UNC13C: variants seen among roughly 807,000 people sequenced by gnomAD.
UNC13C encodes the protein protein unc-13 homolog C.
UNC13C carries 174 observed loss-of-function variants against 245.4 expected under a neutral mutation model. That is an observed-to-expected ratio of 0.71 (90% CI 0.63 to 0.80). The LOEUF is 0.80. Among genes scored for constraint, UNC13C ranks in the 30% least tolerant of loss-of-function variants. UNC13C has a pLI of 0.00. For missense variants in UNC13C, 2,829 were observed against 2,602.9 expected, an observed-to-expected ratio of 1.09 and a Z score of -1.89; for synonymous variants, 992 against 895.1, an observed-to-expected ratio of 1.11 and a Z score of -1.93.
chr15:54,455,385 A>G lies in UNC13C; in HGVS notation c.4934-39223A>G, dbSNP rs369230595. Among the ~76,000 whole-genome samples the G allele has an allele frequency of 8.5e-4, 128 of 150,918 alleles. 1 individual carries two copies. The highest frequency in any genetic ancestry group is 3.0e-3 in the African/African-American group (123 of 41,194). ...CTCTGGGTAGATACCCAGTAGACGGATTGCTGGATCAAATGGTAGTTCTAC... is the reference window on the plus strand; with the variant it reads ...CTCTGGGTAGATACCCAGTAGACGGGTTGCTGGATCAAATGGTAGTTCTAC... On this transcript the variant is annotated intron_variant, in intron 19 of 32. Coordinates refer to ENST00000260323, the MANE Select transcript of UNC13C (RefSeq NM_001080534.3).
chr15:54,375,891 T>A (rs533213739), intron 17 of UNC13C, among the ~76,000 whole-genome samples: 1 of 152,308 alleles, frequency 6.6e-6, no homozygotes, highest in South Asian at 2.1e-4. Context: ...AAATGTATAT[T>A]TTTTTAAAGC....
downstream of UNC13C, chr15:54,630,687 T>C (rs1901440352): frequency 6.6e-6 from 1 of 152,148 alleles, no homozygotes; most frequent in African/African-American, 2.4e-5. Context: ...TTGAAATAGT[T>C]GCCCCTTTGC....
intron 2 of UNC13C, among the ~76,000 whole-genome samples, chr15:54,118,070 T>C (rs1464391652): frequency 6.6e-6 from 1 of 152,098 alleles, no homozygotes; most frequent in Non-Finnish European, 1.5e-5. Flanking sequence ...TATTTTGAAG[T>C]TCAGATAATG....
intron 19 of UNC13C, among the ~76,000 whole-genome samples, chr15:54,422,347 A>G (rs2040663602): frequency 6.6e-6 from 1 of 151,924 alleles, no homozygotes; most frequent in Non-Finnish European, 1.5e-5. Context: ...TAGTTTGCAC[A>G]TTTCCACTCT....
intron 30 of UNC13C, among the ~76,000 whole-genome samples, chr15:54,616,751 A>ATAATG (rs1407565592): frequency 1.3e-5 from 2 of 152,074 alleles, no homozygotes; most frequent in African/African-American, 4.8e-5. Flanking sequence ...AAAATCTTTT[A>ATAATG]TAATGTAGCC....
chr15:54,075,133 A>C (rs1898527697), intron 2 of UNC13C, among the ~76,000 whole-genome samples: 2 of 152,104 alleles, frequency 1.3e-5, no homozygotes, highest in South Asian at 4.1e-4. Flanking sequence ...CAGTCAAAGG[A>C]AAGGGTGTAT....
At chr15:54,107,186 T>C (rs1365146139) in intron 2 of UNC13C, among the ~76,000 whole-genome samples, 1 of 152,170 alleles carries the variant, frequency 6.6e-6, no homozygotes, top group Non-Finnish European at 1.5e-5. Flanking sequence ...CTTAATTCCA[T>C]ATTGCAATTA....
chr15:54,153,842 T>A (rs1052028460), intron 4 of UNC13C, among the ~76,000 whole-genome samples: 1 of 151,988 alleles, frequency 6.6e-6, no homozygotes, highest in African/African-American at 2.4e-5. Context: ...TGATAATTCA[T>A]GATTGATATT....
chr15:54,161,569 T>C (rs2032976044), intron 4 of UNC13C, among the ~76,000 whole-genome samples: 1 of 152,216 alleles, frequency 6.6e-6, no homozygotes, highest in African/African-American at 2.4e-5. Context: ...TATTTATTTC[T>C]ATAAGTTCAG....
At chr15:53,857,729 G>A in the UNC13C span, among the ~76,000 whole-genome samples, 3 of 152,156 alleles carry the variant, frequency 2.0e-5, no homozygotes, top group Non-Finnish European at 4.4e-5. Context: ...ATTATGCAGA[G>A]AAAAGATTCC....
At chr15:54,064,412 A>T (rs956322953) in intron 2 of UNC13C, among the ~76,000 whole-genome samples, 5 of 152,166 alleles carry the variant, frequency 3.3e-5, no homozygotes, top group Admixed American at 1.3e-4. Flanking sequence ...TCACACAGTG[A>T]GGGCTGGCAA....
At position 54,618,910 on chromosome 15, in the gene UNC13C, C is replaced by CA. The variant is rs550608967; in HGVS notation, c.6107-3411dup. Among the ~76,000 whole-genome samples the CA allele has an allele frequency of 2.6e-4, 39 of 151,816 alleles. No homozygotes were observed. The East Asian group carries it at 6.8e-3, about 26-fold the overall frequency. On this transcript the variant is annotated intron_variant, in intron 30 of 32. Coordinates refer to ENST00000260323, the MANE Select transcript of UNC13C (RefSeq NM_001080534.3). ...ACTGTGACTTTTAAAGACATTTTGTCAAAAAACAAAACAAAAAACCTCTTA... is the reference window on the plus strand; with the variant it reads ...ACTGTGACTTTTAAAGACATTTTGTCAAAAAAACAAAACAAAAAACCTCTTA...
chr15:53,867,529 T>A, the UNC13C span, among the ~76,000 whole-genome samples: 61 of 152,314 alleles, frequency 4.0e-4, no homozygotes, highest in Middle Eastern at 3.4e-3. Flanking sequence ...GCTCGAGGTA[T>A]CCACTGAAAA....
At chr15:54,063,239 C>G (rs1329348296) in intron 2 of UNC13C, among the ~76,000 whole-genome samples, 2 of 152,124 alleles carry the variant, frequency 1.3e-5, no homozygotes, top group African/African-American at 4.8e-5. Flanking sequence ...TTCATTCTAA[C>G]CTGGCTGATA....
Position 54,015,895 on chromosome 15 carries a change from G to A in UNC13C, c.2983+9G>A, listed in dbSNP as rs1364124371. ...GAAGATCTTGGCTGGAGGTATTCAT[G>A]TTTAAATGCTACATTGTGAGCTAAT... On this transcript the variant is annotated intron_variant, in intron 2 of 32. Coordinates refer to ENST00000260323, the MANE Select transcript of UNC13C (RefSeq NM_001080534.3). 1 of 1,553,480 alleles carries A rather than the reference G, an allele frequency of 6.4e-7. No individual in the cohort carries two copies. Among genetic ancestry groups the A allele is most frequent in the South Asian group, 1.2e-5 (1 of 81,192 alleles).
chr15:53,959,758 T>C, the UNC13C span, among the ~76,000 whole-genome samples: 5 of 152,324 alleles, frequency 3.3e-5, no homozygotes, highest in East Asian at 9.6e-4. Context: ...AAACTCAATA[T>C]AATATAGATG....
chr15:54,275,567 A>G (rs1172325088), intron 10 of UNC13C, among the ~76,000 whole-genome samples: 1 of 152,110 alleles, frequency 6.6e-6, no homozygotes, highest in Non-Finnish European at 1.5e-5. Flanking sequence ...TCTTTAAGTT[A>G]TAACAGCCTA....
At chr15:54,050,306 G>C in intron 2 of UNC13C, 1 of 589,014 alleles carries the variant, frequency 1.7e-6, no homozygotes, top group Non-Finnish European at 3.3e-6. Context: ...CTTGCCTGCT[G>C]TATAAAGAAC....
At chr15:54,103,533 A>G (rs1026401958) in intron 2 of UNC13C, among the ~76,000 whole-genome samples, 1 of 152,180 alleles carries the variant, frequency 6.6e-6, no homozygotes, top group Admixed American at 6.5e-5. Context: ...GTAGATTAAA[A>G]ATATTTTTGT....
Sources: allele counts gnomAD v4.1 joint callset (sites outside exome capture counted in the v4.1 genomes callset), GRCh38; gene constraint gnomAD v4.1.1; transcripts MANE v1.5; gene names NCBI Gene and HGNC (gene_info 2026-07-23, HGNC 2026-07-21).